The following GRK5 variants were observed in gnomAD, a reference collection of about 807,000 sequenced individuals.
The protein encoded by GRK5 is g protein-coupled receptor kinase GRK5.
In GRK5, 40 loss-of-function variants were observed where a neutral mutation model predicts 78.4. The observed-to-expected ratio is 0.51, with a 90% CI of 0.40 to 0.66. The LOEUF (loss-of-function observed/expected upper bound fraction) is 0.66, where lower values mean the gene tolerates loss of function less well. Among genes scored for constraint, GRK5 ranks in the 30% least tolerant of loss-of-function variants. The pLI is 0.00. For missense variants in GRK5, 598 were observed against 759.9 expected (o/e 0.79, Z 2.50); for synonymous variants, 289 against 296.8 (o/e 0.97, Z 0.27).
At chr10:119,365,454 A>G (rs751549826) in intron 2 of GRK5, among the ~76,000 whole-genome samples, 1 of 152,202 alleles carries the variant, frequency 6.6e-6, no homozygotes, top group Non-Finnish European at 1.5e-5. Flanking sequence ...AGAAGCAGCT[A>G]TGCTTCATGG....
intron 1 of GRK5, among the ~76,000 whole-genome samples, chr10:119,316,887 C>G (rs945516779): frequency 5.9e-5 from 9 of 152,172 alleles, no homozygotes; most frequent in African/African-American, 2.2e-4. Flanking sequence ...CAGGGTGATA[C>G]CACGTGGCCC....
chr10:119,288,655 C>T (rs894509930), intron 1 of GRK5, among the ~76,000 whole-genome samples: 7 of 152,188 alleles, frequency 4.6e-5, no homozygotes, highest in Non-Finnish European at 8.8e-5. Context: ...CCACACCCTG[C>T]GTCTGGTTGG....
At chr10:119,219,333 C>A (rs2133706724) in intron 1 of GRK5, among the ~76,000 whole-genome samples, 1 of 152,270 alleles carries the variant, frequency 6.6e-6, no homozygotes, top group Admixed American at 6.5e-5. Context: ...CCTGCCTCAG[C>A]CTCCAAAGTA....
intron 1 of GRK5, among the ~76,000 whole-genome samples, chr10:119,317,130 C>T (rs978157110): frequency 2.0e-5 from 3 of 152,138 alleles, no homozygotes; most frequent in Admixed American, 6.5e-5. Flanking sequence ...TATGCAAAGA[C>T]GTGAGAGTGT....
At chr10:119,329,730 C>CA (rs1045480860) in intron 2 of GRK5, among the ~76,000 whole-genome samples, 1 of 151,462 alleles carries the variant, frequency 6.6e-6, no homozygotes, top group Non-Finnish European at 1.5e-5. Context: ...AACTCTGTCT[C>CA]AAAAAACAAA....
intron 1 of GRK5, among the ~76,000 whole-genome samples, chr10:119,212,316 A>G (rs182869084): frequency 3.4e-4 from 52 of 152,350 alleles, no homozygotes; most frequent in African/African-American, 9.6e-4. Flanking sequence ...AAATGCCCAC[A>G]AGGCTCTCAT....
At chr10:119,296,141 CACCAGCATCCTCG>C (rs942589443) in intron 1 of GRK5, among the ~76,000 whole-genome samples, 1 of 152,188 alleles carries the variant, frequency 6.6e-6, no homozygotes, top group Non-Finnish European at 1.5e-5. Flanking sequence ...TATTTTTCTC[CACCAGCATCCTCG>C]ACATATTGGC....
At chr10:119,226,064 G>T (rs557150486) in intron 1 of GRK5, among the ~76,000 whole-genome samples, 60 of 151,812 alleles carry the variant, frequency 4.0e-4, no homozygotes, top group African/African-American at 1.4e-3. Context: ...GGCCAGGATG[G>T]TCTCGATCTC....
chr10:119,221,620 A>G (rs1848657713), intron 1 of GRK5, among the ~76,000 whole-genome samples: 1 of 152,228 alleles, frequency 6.6e-6, no homozygotes. Flanking sequence ...TTTTAAAGAT[A>G]ATATAAAGGA....
chr10:119,209,486 GGTTTTTTTTTT>G (rs1848446562), intron 1 of GRK5, among the ~76,000 whole-genome samples: 1 of 88,816 alleles, frequency 1.1e-5, no homozygotes, highest in African/African-American at 4.5e-5. Context: ...GTGTGTGTGT[GGTTTTTTTTTT>G]TTTTTTTTTT....
intron 10 of GRK5, among the ~76,000 whole-genome samples, chr10:119,440,042 G>A (rs1235208598): frequency 8.5e-5 from 13 of 152,168 alleles, no homozygotes; most frequent in Admixed American, 1.3e-4. Context: ...CTGGCCGGGC[G>A]TGGTCTCTAC....
intron 2 of GRK5, among the ~76,000 whole-genome samples, chr10:119,361,403 C>T (rs1851360177): frequency 6.6e-6 from 1 of 152,218 alleles, no homozygotes; most frequent in Non-Finnish European, 1.5e-5. Context: ...GCCCTGACCA[C>T]CATTCATTCA....
chr10:119,258,246 G>A (rs1849319688), intron 1 of GRK5, among the ~76,000 whole-genome samples: 1 of 152,176 alleles, frequency 6.6e-6, no homozygotes, highest in Non-Finnish European at 1.5e-5. Context: ...TTAGCATAAT[G>A]TATTTGAGAT....
chr10:119,453,248 G>T lies in GRK5; in HGVS notation c.1646G>T (p.Gly549Val). 1 of 1,614,024 alleles carries T rather than the reference G, an allele frequency of 6.2e-7. No individual in the cohort carries two copies. The highest frequency in any genetic ancestry group is 8.5e-7 in the Non-Finnish European group (1 of 1,180,000). Residue 549 changes from glycine (G) to valine (V), a missense_variant, in exon 15 of 16, where the codon GGG becomes GTG. Transcript: ENST00000392870. ...RNHPPEPPKK[G>V]LLQRLFKRQH... ...CACCCTCCGGAACCGCCCAAGAAAG[G>T]GCTGCTCCAGAGACTCTTCAAGCGG...
chr10:119,276,649 A>C (rs995725222), intron 1 of GRK5, among the ~76,000 whole-genome samples: 3 of 152,220 alleles, frequency 2.0e-5, no homozygotes, highest in Non-Finnish European at 2.9e-5. Context: ...TGGTATTTCT[A>C]GTTCTAGATC....
chr10:119,358,836 C>T (rs548975905), intron 2 of GRK5, among the ~76,000 whole-genome samples: 57 of 152,316 alleles, frequency 3.7e-4, no homozygotes, highest in African/African-American at 1.3e-3. Context: ...CCAGGTGCCT[C>T]AGGGCTGGCT....
chr10:119,216,672 G>A (rs182893926), intron 1 of GRK5, among the ~76,000 whole-genome samples: 11 of 152,288 alleles, frequency 7.2e-5, no homozygotes, highest in Admixed American at 4.6e-4. Context: ...AATAAAAATG[G>A]CCAGGCGTGG....
Position 119,453,269 on chromosome 10 carries a change from A to G in GRK5, c.1667A>G (p.Lys556Arg). 6.2e-7 allele frequency: 1 copy of G among 1,614,012 alleles called. No individual in the cohort carries two copies. Among genetic ancestry groups the G allele is most frequent in the African/African-American group, 1.3e-5 (1 of 75,042 alleles). Residue 556 changes from lysine to arginine, a missense_variant, in exon 15 of 16, where the codon AAG (lysine) becomes AGG (arginine). Coordinates refer to ENST00000392870, the MANE Select transcript of GRK5 (RefSeq NM_005308.3). ...AAAGGGCTGCTCCAGAGACTCTTCA[A>G]GCGGCAGGTGAGACACCCATGCCTG... ...PKKGLLQRLF[K>R]RQHQNNSKSS...
At chr10:119,354,566 T>C (rs1004380549) in intron 2 of GRK5, among the ~76,000 whole-genome samples, 3 of 152,098 alleles carry the variant, frequency 2.0e-5, no homozygotes, top group Non-Finnish European at 4.4e-5. Flanking sequence ...CATGCCTGGC[T>C]AATTTTTGTA....
Sources: allele counts gnomAD v4.1 joint callset (sites outside exome capture counted in the v4.1 genomes callset), GRCh38; gene constraint gnomAD v4.1.1; transcripts MANE v1.5; gene names NCBI Gene and HGNC (gene_info 2026-07-23, HGNC 2026-07-21).